Variants in EFNA5 observed in about 807,000 individuals in gnomAD.
EFNA5 encodes ephrin A5, also known as ephrin-A5.
EFNA5 carries 5 observed loss-of-function variants against 22.9 expected under a neutral mutation model. That is an observed-to-expected ratio of 0.22 (90% CI 0.11 to 0.46). The LOEUF is 0.46. Among genes scored for constraint, EFNA5 ranks in the 20% least tolerant of loss-of-function variants. The pLI is 0.99. For synonymous variants in EFNA5, 113 were observed against 112.2 expected (o/e 1.01, Z -0.04); for missense variants, 237 against 293.3 (o/e 0.81, Z 1.40).
intron 1 of EFNA5, among the ~76,000 whole-genome samples, chr5:107,560,726 T>C (rs747224036): frequency 2.0e-5 from 3 of 152,198 alleles, no homozygotes; most frequent in Non-Finnish European, 4.4e-5. Flanking sequence ...CTCCTCTCCT[T>C]GCTCCCATCC....
chr5:107,669,423 A>C (rs909200156), intron 1 of EFNA5, among the ~76,000 whole-genome samples: 3 of 151,928 alleles, frequency 2.0e-5, no homozygotes, highest in African/African-American at 4.8e-5. Context: ...TCCCAGAGAA[A>C]GCAGTGCGGT....
chr5:107,474,758 C>T (rs1240263923), intron 1 of EFNA5, among the ~76,000 whole-genome samples: 1 of 152,044 alleles, frequency 6.6e-6, no homozygotes, highest in Non-Finnish European at 1.5e-5. Flanking sequence ...AGCAAGAGGC[C>T]ACCATGTTCC....
At chr5:107,631,157 C>G (rs890085920) in intron 1 of EFNA5, among the ~76,000 whole-genome samples, 1 of 151,860 alleles carries the variant, frequency 6.6e-6, no homozygotes, top group South Asian at 2.1e-4. Flanking sequence ...AAGTACTAGG[C>G]AATAGGCATT....
chr5:107,581,895 C>T (rs1020395406), intron 1 of EFNA5, among the ~76,000 whole-genome samples: 1 of 152,198 alleles, frequency 6.6e-6, no homozygotes, highest in Non-Finnish European at 1.5e-5. Context: ...TTTAGCTACA[C>T]GTTGCAGGTT....
chr5:107,455,703 C>T (rs776981263), intron 1 of EFNA5, among the ~76,000 whole-genome samples: 1 of 152,172 alleles, frequency 6.6e-6, no homozygotes, highest in Admixed American at 6.6e-5. Context: ...TATTTCATCT[C>T]CTTAGGACAA....
At chr5:107,556,266 C>A (rs1748412502) in intron 1 of EFNA5, among the ~76,000 whole-genome samples, 1 of 152,124 alleles carries the variant, frequency 6.6e-6, no homozygotes, top group African/African-American at 2.4e-5. Context: ...TTCCTATGTG[C>A]CAGGCACCAT....
At chr5:107,553,894 G>GA (rs1292847288) in intron 1 of EFNA5, among the ~76,000 whole-genome samples, 3 of 151,594 alleles carry the variant, frequency 2.0e-5, no homozygotes, top group Non-Finnish European at 2.9e-5. Context: ...TTGTTCTTAA[G>GA]AAAAAAAAGA....
At chr5:107,390,487 T>C (rs1321625395) in intron 2 of EFNA5, among the ~76,000 whole-genome samples, 1 of 152,066 alleles carries the variant, frequency 6.6e-6, no homozygotes, top group African/African-American at 2.4e-5. Flanking sequence ...TTCCCACTAA[T>C]AAACTTATAA....
intron 1 of EFNA5, among the ~76,000 whole-genome samples, chr5:107,459,312 C>T (rs1443737238): frequency 6.7e-6 from 1 of 150,226 alleles, no homozygotes; most frequent in African/African-American, 2.5e-5. Context: ...GAGATCACGT[C>T]ACCACACTCC....
chr5:107,643,442 G>A (rs1320960193), intron 1 of EFNA5, among the ~76,000 whole-genome samples: 6 of 152,188 alleles, frequency 3.9e-5, no homozygotes, highest in Middle Eastern at 3.4e-3. Flanking sequence ...ATTCAGGCCC[G>A]TGGACACCCT....
At chr5:107,440,485 C>T (rs1324461865) in intron 1 of EFNA5, among the ~76,000 whole-genome samples, 1 of 152,156 alleles carries the variant, frequency 6.6e-6, no homozygotes, top group African/African-American at 2.4e-5. Context: ...GAATGAGCCA[C>T]TTGTGTGGAC....
At chr5:107,664,791 T>A (rs1023144897) in intron 1 of EFNA5, among the ~76,000 whole-genome samples, 45 of 152,296 alleles carry the variant, frequency 3.0e-4, no homozygotes, top group African/African-American at 1.0e-3. Context: ...CTTTGCAACA[T>A]GGATATTCTA....
At chr5:107,604,185 T>C (rs1749661542) in intron 1 of EFNA5, among the ~76,000 whole-genome samples, 1 of 152,190 alleles carries the variant, frequency 6.6e-6, no homozygotes, top group Admixed American at 6.5e-5. Flanking sequence ...ATCTTTTATT[T>C]ATTTATTTTT....
At chr5:107,480,748 C>G (rs1750436199) in intron 1 of EFNA5, among the ~76,000 whole-genome samples, 1 of 152,122 alleles carries the variant, frequency 6.6e-6, no homozygotes, top group Admixed American at 6.6e-5. Context: ...CTCTTGCAGT[C>G]AGCGGTCCCA....
At chr5:107,406,636 T>G (rs1748230354) in intron 2 of EFNA5, among the ~76,000 whole-genome samples, 1 of 152,190 alleles carries the variant, frequency 6.6e-6, no homozygotes, top group Non-Finnish European at 1.5e-5. Context: ...CTATTCTTCT[T>G]ACTTTACTTT....
chr5:107,473,050 G>A (rs983236027), intron 1 of EFNA5, among the ~76,000 whole-genome samples: 1 of 152,104 alleles, frequency 6.6e-6, no homozygotes, highest in East Asian at 1.9e-4. Context: ...TCCTGGGGTT[G>A]CTCTCACTCA....
At chr5:107,400,562 T>G (rs1265519105) in intron 2 of EFNA5, among the ~76,000 whole-genome samples, 3 of 152,216 alleles carry the variant, frequency 2.0e-5, no homozygotes, top group Non-Finnish European at 4.4e-5. Flanking sequence ...CTGATGAAGC[T>G]GTAAGCTCCA....
intron 4 of EFNA5, among the ~76,000 whole-genome samples, chr5:107,384,052 C>T (rs190441712): frequency 6.6e-6 from 1 of 152,176 alleles, no homozygotes; most frequent in Admixed American, 6.5e-5. Context: ...TTGATTAAAA[C>T]AGGTTCTCAA....
At chr5:107,409,225 A>C (rs944894047) in intron 2 of EFNA5, among the ~76,000 whole-genome samples, 3 of 152,236 alleles carry the variant, frequency 2.0e-5, no homozygotes, top group Non-Finnish European at 4.4e-5. Flanking sequence ...TCTTTGGATC[A>C]CCAGCGCTAG....
Sources: gnomAD v4.1 joint callset for allele counts (sites outside exome capture counted in the v4.1 genomes callset) on GRCh38, gnomAD v4.1.1 for gene constraint, MANE v1.5 for transcripts, NCBI Gene and HGNC (gene_info 2026-07-23, HGNC 2026-07-21) for gene names.